The following SLC6A3 variants were observed in gnomAD, a reference collection of about 807,000 sequenced individuals.
SLC6A3 encodes the protein sodium-dependent dopamine transporter.
In SLC6A3, 19 loss-of-function variants were observed where a neutral mutation model predicts 70.4. The observed-to-expected ratio is 0.27, with a 90% CI of 0.19 to 0.40. The LOEUF (loss-of-function observed/expected upper bound fraction) is 0.40. SLC6A3 is among the 10% of genes least tolerant of loss of function. The pLI, the probability that SLC6A3 is intolerant of heterozygous loss-of-function variation, is 1.00. For synonymous variants in SLC6A3, 368 were observed against 356.6 expected (o/e 1.03, Z -0.36); for missense variants, 613 against 838.5 (o/e 0.73, Z 3.32).
chr5:1,425,614 C>G (rs984978785), intron 4 of SLC6A3, among the ~76,000 whole-genome samples: 3 of 152,178 alleles, frequency 2.0e-5, no homozygotes, highest in Admixed American at 1.3e-4. Context: ...TTTTCACAAT[C>G]TTGGACTTGG....
chr5:1,405,737 G>C lies in SLC6A3; in HGVS notation c.1599+451C>G, dbSNP rs1310063188. Among the ~76,000 whole-genome samples the C allele has an allele frequency of 6.6e-6, 1 of 152,286 alleles. No homozygotes were observed. The highest frequency in any genetic ancestry group is 1.5e-5 in the Non-Finnish European group (1 of 68,050). On this transcript the variant is annotated intron_variant, in intron 12 of 14. Transcript: ENST00000270349. The surrounding 1 kb of genome is among the most constrained non-coding windows in gnomAD (Gnocchi z 5.3). ...AGTGCCTACTGGACACAGTGATGCTGCTGAGCCAGAGGGAGGCTTGCGTGA... is the reference window on the plus strand; with the variant it reads ...AGTGCCTACTGGACACAGTGATGCTCCTGAGCCAGAGGGAGGCTTGCGTGA...
rs150594609 is a variant in SLC6A3, at chr5:1,444,402, TCA to T, written c.-46+944_-46+945del. ...CAGACTCACAAACACACATACACAC[TCA>T]CACACACACAGGCGAGCACATACAC... is the stretch of plus-strand genomic sequence containing the variant. On this transcript the variant is annotated intron_variant, in intron 1 of 14. Transcript: ENST00000270349. 1.3e-4 allele frequency among the ~76,000 whole-genome samples: 19 copies of T among 143,458 alleles called. 1 individual carries two copies. The highest frequency in any genetic ancestry group is 1.1e-3 in the South Asian group (5 of 4,740). The allele number at this position is 143,458 out of a possible 152,430, so 94.1% of individuals were successfully genotyped here. A position where few individuals can be genotyped will look rare whatever the true frequency, so the allele number is the denominator to read the frequency against.
rs1205770275 is a variant in SLC6A3 at position 1,436,392 on chromosome 5, G to A, written c.419-3694C>T. Among the ~76,000 whole-genome samples the A allele has an allele frequency of 6.6e-6, 1 of 152,156 alleles. No homozygotes were observed. The highest frequency in any genetic ancestry group is 2.4e-5 in the African/African-American group (1 of 41,436). ...TTCTTAAACACCATTTAGTGACACG[G>A]GAGACTGTCTCCCCAAGGAGGTGGC... is the stretch of plus-strand genomic sequence containing the variant. On this transcript the variant is annotated intron_variant, in intron 3 of 14. Coordinates refer to ENST00000270349, the MANE Select transcript of SLC6A3 (RefSeq NM_001044.5). The surrounding 1 kb of genome is among the most constrained non-coding windows in gnomAD (Gnocchi z 5.2).
At chr5:1,423,823 A>G (rs1295218554) in intron 4 of SLC6A3, among the ~76,000 whole-genome samples, 3 of 152,324 alleles carry the variant, frequency 2.0e-5, no homozygotes, top group East Asian at 3.9e-4. Context: ...GCCACCGTAG[A>G]GTCAGGAGCT....
chr5:1,429,925 C>T (rs563181711), intron 4 of SLC6A3, among the ~76,000 whole-genome samples: 12 of 152,302 alleles, frequency 7.9e-5, no homozygotes, highest in African/African-American at 2.6e-4. Context: ...TTTTCTCCCT[C>T]GAGAATGTTA....
At chr5:1,422,804 G>C (rs1263327448) in intron 4 of SLC6A3, among the ~76,000 whole-genome samples, 1 of 90,420 alleles carries the variant, frequency 1.1e-5, no homozygotes, top group African/African-American at 5.2e-5. Flanking sequence ...ACGGTGCTGG[G>C]TACCCACCGC....
At chr5:1,439,906 A>G (rs1313366982) in intron 3 of SLC6A3, among the ~76,000 whole-genome samples, 2 of 152,204 alleles carry the variant, frequency 1.3e-5, no homozygotes, top group African/African-American at 4.8e-5. Context: ...ACCAGGGGGA[A>G]CGACCCCGGC....
intron 14 of SLC6A3, among the ~76,000 whole-genome samples, chr5:1,399,337 G>T (rs781435140): frequency 6.6e-6 from 1 of 152,084 alleles, no homozygotes; most frequent in Non-Finnish European, 1.5e-5. Flanking sequence ...GTATTTTGAG[G>T]GAAATTCATA....
At chr5:1,435,201 G>C (rs759122021) in intron 3 of SLC6A3, among the ~76,000 whole-genome samples, 1 of 152,240 alleles carries the variant, frequency 6.6e-6, no homozygotes, top group Non-Finnish European at 1.5e-5. Context: ...TCCCTTAGGA[G>C]AGAGGCTGGG....
At chr5:1,410,730 G>A (rs984027755) in intron 9 of SLC6A3, among the ~76,000 whole-genome samples, 1 of 152,160 alleles carries the variant, frequency 6.6e-6, no homozygotes, top group Admixed American at 6.5e-5. Context: ...GCCCTCCAAG[G>A]CCCCACCACT....
intron 1 of SLC6A3, 94 bp downstream of exon 1, chr5:1,445,254 C>T (rs1733773430): frequency 6.6e-6 from 1 of 152,628 alleles, no homozygotes; most frequent in Non-Finnish European, 1.5e-5. Flanking sequence ...GGACCCCAGA[C>T]TGTGCCCGGT....
chr5:1,443,267 A>C (rs1733725585), intron 1 of SLC6A3, 25 bp from the exon 2 acceptor site: 14 of 1,547,038 alleles, frequency 9.0e-6, no homozygotes, highest in Non-Finnish European at 1.2e-5. Flanking sequence ...AAAAATAAAC[A>C]CACAACAGGA....
chr5:1,414,414 G>C lies in SLC6A3; in HGVS notation c.1156+277C>G, dbSNP rs1357773380. 4.1e-3 allele frequency among the ~76,000 whole-genome samples: 597 copies of C among 147,256 alleles called. 4 individuals are homozygous for C. The highest frequency in any genetic ancestry group is 0.014 in the African/African-American group (538 of 37,326). ...GGCACTGGGTGGGGGGGCCTGGAGG[G>C]GCAGGGCGGAGAAGGCACTGGGTGG... On this transcript the variant is annotated intron_variant, in intron 8 of 14. Transcript: ENST00000270349.
chr5:1,443,271 A>C, intron 1 of SLC6A3, 29 bp from the exon 2 acceptor site: 1 of 1,523,770 alleles, frequency 6.6e-7, no homozygotes, highest in Non-Finnish European at 9.1e-7. Flanking sequence ...ATAAACACAC[A>C]ACAGGAACGC....
chr5:1,414,961 C>T (rs1330004599), intron 7 of SLC6A3, 146 bp from the exon 8 acceptor site: 2 of 1,005,164 alleles, frequency 2.0e-6, no homozygotes, highest in Non-Finnish European at 1.5e-6. Context: ...ACGGCCAGCT[C>T]CTTAGCAGCC....
At chr5:1,409,490 G>T (rs1756062431) in intron 10 of SLC6A3, among the ~76,000 whole-genome samples, 1 of 152,192 alleles carries the variant, frequency 6.6e-6, no homozygotes, top group Admixed American at 6.5e-5. Context: ...GGCAGCTTCA[G>T]CCTGGGGTGC....
In SLC6A3 at chr5:1,438,339, C is replaced by A. The variant is rs1009422032; in HGVS notation, c.418+3020G>T. Among the ~76,000 whole-genome samples the A allele has an allele frequency of 6.6e-6, 1 of 152,228 alleles. No individual in the cohort carries two copies. Among genetic ancestry groups the A allele is most frequent in the Non-Finnish European group, 1.5e-5 (1 of 68,046 alleles). ...AGAACGAAGCTGGCGGCATGGAATG[C>A]GGGATTGTGGGCACAGGGTCTGTGA... On this transcript the variant is annotated intron_variant, in intron 3 of 14. Coordinates refer to ENST00000270349, the MANE Select transcript of SLC6A3 (RefSeq NM_001044.5). This position sits in a 1 kb window ranked among gnomAD's most constrained non-coding sequence, Gnocchi z 6.5.
chr5:1,409,134 G>A lies in SLC6A3; in HGVS notation c.1399-9C>T. 1 of 1,597,336 alleles carries A rather than the reference G, an allele frequency of 6.3e-7. No individual in the cohort carries two copies. Among genetic ancestry groups the A allele is most frequent in the Non-Finnish European group, 8.5e-7 (1 of 1,169,986 alleles). On this transcript the variant is annotated splice_polypyrimidine_tract_variant and intron_variant, in intron 10 of 14. Coordinates refer to ENST00000270349, the MANE Select transcript of SLC6A3 (RefSeq NM_001044.5). Reference sequence around the variant, plus strand: ...AAGACGTAGATGCCACCCTGGAAGAGAGGGGAGCCTGTGGACCTACAGAAG... The same window carrying A: ...AAGACGTAGATGCCACCCTGGAAGAAAGGGGAGCCTGTGGACCTACAGAAG...
Position 1,406,382 on chromosome 5 carries a change from C to T in SLC6A3, c.1499-94G>A, listed in dbSNP as rs1238603156. 1.1e-5 allele frequency: 12 copies of T among 1,082,912 alleles called. No homozygotes were observed. Among genetic ancestry groups the T allele is most frequent in the African/African-American group, 4.6e-5 (3 of 64,696 alleles). 67.1% of individuals were successfully genotyped at this position (1,082,912 alleles called of 1,614,324 possible). On this transcript the variant is annotated intron_variant, in intron 11 of 14. Coordinates refer to ENST00000270349, the MANE Select transcript of SLC6A3 (RefSeq NM_001044.5). This position sits in a 1 kb window ranked among gnomAD's most constrained non-coding sequence, Gnocchi z 8.8. ...GGGTCCTCGCTGACTCCCAAGGGCC[C>T]CACCTACCGGCCCCAGGCTTCGGCT...
Sources: allele counts gnomAD v4.1 joint callset (sites outside exome capture counted in the v4.1 genomes callset), GRCh38; gene constraint gnomAD v4.1.1; non-coding constraint Gnocchi (gnomAD v3.1); transcripts MANE v1.5; gene names NCBI Gene and HGNC (gene_info 2026-07-23, HGNC 2026-07-21).